MIGA2: variants seen among roughly 807,000 people sequenced by gnomAD.
MIGA2 encodes the protein mitoguardin 2.
Under a neutral mutation model 69.9 loss-of-function variants are expected in MIGA2, and 36 were observed. That is an observed-to-expected ratio of 0.52 (90% confidence interval 0.39 to 0.68). The LOEUF (loss-of-function observed/expected upper bound fraction) is 0.68. MIGA2 is among the 30% of genes least tolerant of loss of function. MIGA2 has a pLI of 0.00. For missense variants in MIGA2, 660 were observed against 787.7 expected, an observed-to-expected ratio of 0.84 and a Z score of 1.94; for synonymous variants, 333 against 349.2, an observed-to-expected ratio of 0.95 and a Z score of 0.52.
At chr9:129,042,607 C>A in intron 3 of MIGA2, 93 bp downstream of exon 3, 1 of 1,298,174 alleles carries the variant, frequency 7.7e-7, no homozygotes, top group Non-Finnish European at 1.1e-6. Context: ...GATATTGGGC[C>A]AGTGTCTTCC....
At chr9:129,066,043 C>T (rs1472018008) in intron 11 of MIGA2, among the ~76,000 whole-genome samples, 1 of 152,246 alleles carries the variant, frequency 6.6e-6, no homozygotes, top group Non-Finnish European at 1.5e-5. Flanking sequence ...GGATATTCTC[C>T]TGGCAGTGGC....
At chr9:129,054,589 C>T (rs1276191875) in intron 6 of MIGA2, among the ~76,000 whole-genome samples, 5 of 152,224 alleles carry the variant, frequency 3.3e-5, no homozygotes, top group Non-Finnish European at 5.9e-5. Context: ...CTATCACGGA[C>T]GTTTCTAGAA....
intron 6 of MIGA2, among the ~76,000 whole-genome samples, chr9:129,053,610 G>T (rs1056258243): frequency 6.6e-6 from 1 of 152,022 alleles, no homozygotes; most frequent in Non-Finnish European, 1.5e-5. Context: ...CAGGTGATCC[G>T]CCCGCCTCGG....
chr9:129,059,575 C>G lies in MIGA2; in HGVS notation c.793+304C>G, dbSNP rs754857643. On this transcript the variant is annotated intron_variant, in intron 7 of 15. Transcript: ENST00000684074. The surrounding 1 kb of genome is among the most constrained non-coding windows in gnomAD (Gnocchi z 5.6). Reference sequence around the variant, plus strand: ...TGGCAGCATCTCCCTGATGGCTCTCCCAGGCCTTCGCTTCGAGTCCTTTCC... The same window carrying G: ...TGGCAGCATCTCCCTGATGGCTCTCGCAGGCCTTCGCTTCGAGTCCTTTCC... Among the ~76,000 whole-genome samples, 6 of 152,184 alleles carry G rather than the reference C, an allele frequency of 3.9e-5. No homozygotes were observed. Among genetic ancestry groups the G allele is most frequent in the Non-Finnish European group, 7.3e-5 (5 of 68,032 alleles).
At chr9:129,057,467 G>A (rs1845856286) in intron 6 of MIGA2, among the ~76,000 whole-genome samples, 2 of 149,854 alleles carry the variant, frequency 1.3e-5, no homozygotes, top group African/African-American at 2.5e-5. Flanking sequence ...CTGATTTTTT[G>A]TATTTTTAGT....
At chr9:129,062,563 G>C (rs1004067227) in intron 9 of MIGA2, among the ~76,000 whole-genome samples, 3 of 150,090 alleles carry the variant, frequency 2.0e-5, no homozygotes, top group Non-Finnish European at 3.0e-5. Flanking sequence ...AAAAAACTGG[G>C]CCAGGCGCCA....
At chr9:129,062,699 C>T (rs1271801787) in intron 9 of MIGA2, among the ~76,000 whole-genome samples, 1 of 151,812 alleles carries the variant, frequency 6.6e-6, no homozygotes, top group Non-Finnish European at 1.5e-5. Flanking sequence ...CAAAAATTAG[C>T]CGGGCGTGGT....
intron 3 of MIGA2, chr9:129,047,230 A>T (rs1016198106): frequency 6.6e-6 from 1 of 151,456 alleles, no homozygotes; most frequent in African/African-American, 2.4e-5. Context: ...AACAGGTGCC[A>T]CCATACCTGG....
intron 6 of MIGA2, among the ~76,000 whole-genome samples, chr9:129,058,496 CTTTT>C (rs892590575): frequency 8.5e-6 from 1 of 117,510 alleles, no homozygotes; most frequent in Non-Finnish European, 1.8e-5. Context: ...TTCTTTCTTT[CTTTT>C]TTTTTTTTTT....
chr9:129,069,757 C>A lies in MIGA2; in HGVS notation c.1459-92C>A. The A allele has an allele frequency of 1.1e-6, 1 of 878,270 alleles. No individual in the cohort carries two copies. The highest frequency in any genetic ancestry group is 1.9e-6 in the Non-Finnish European group (1 of 516,012). The allele number at this position is 878,270 out of a possible 1,614,324, so 54.4% of individuals were successfully genotyped here. ...AGGAAAGTACATGAGCTGGGGCGAC[C>A]TCTAAAGCCCAGCCCTTTATGCGAC... On this transcript the variant is annotated intron_variant, in intron 14 of 15. Transcript: ENST00000684074. The surrounding 1 kb of genome is among the most constrained non-coding windows in gnomAD (Gnocchi z 4.9).
intron 15 of MIGA2, 132 bp downstream of exon 15, chr9:129,070,097 G>C (rs1259078468): frequency 8.2e-6 from 10 of 1,216,414 alleles, no homozygotes; most frequent in Non-Finnish European, 1.1e-5. Context: ...AGACCCACAT[G>C]GGTCCAGAGG....
At chr9:129,039,233 TA>T (rs1844769048) in intron 1 of MIGA2, among the ~76,000 whole-genome samples, 2 of 151,434 alleles carry the variant, frequency 1.3e-5, no homozygotes, top group African/African-American at 4.9e-5. Context: ...TATTTTATTT[TA>T]TTTTTTTGTT....
intron 6 of MIGA2, among the ~76,000 whole-genome samples, chr9:129,050,242 AG>A (rs1845450286): frequency 6.6e-6 from 1 of 152,068 alleles, no homozygotes; most frequent in Admixed American, 6.6e-5. Flanking sequence ...GCCTCTGTTG[AG>A]GGTTGGCTGC....
At chr9:129,070,124 G>A (rs920760571) in intron 15 of MIGA2, 123 bp from the exon 16 acceptor site, 105 of 1,290,328 alleles carry the variant, frequency 8.1e-5, no homozygotes, top group Non-Finnish European at 1.1e-4. Context: ...TGGGAGGGAG[G>A]AGCCTGGGGA....
chr9:129,037,129 G>A, intron 1 of MIGA2: 1 of 876,868 alleles, frequency 1.1e-6, no homozygotes, highest in Non-Finnish European at 1.4e-6. Flanking sequence ...GTCCAACGCG[G>A]GGATGCCCGG....
rs763911329 is a variant in MIGA2, at chr9:129,069,756, C to T, written c.1459-93C>T. The T allele has an allele frequency of 2.2e-5, 19 of 860,476 alleles. No individual in the cohort carries two copies. The South Asian group carries it at 2.2e-4, about 10-fold the overall frequency. The allele number at this position is 860,476 out of a possible 1,614,324, so 53.3% of individuals were successfully genotyped here. A position where few individuals can be genotyped will look rare whatever the true frequency, so the allele number is the denominator to read the frequency against. ...CAGGAAAGTACATGAGCTGGGGCGA[C>T]CTCTAAAGCCCAGCCCTTTATGCGA... On this transcript the variant is annotated intron_variant, in intron 14 of 15. Transcript: ENST00000684074. The surrounding 1 kb of genome is among the most constrained non-coding windows in gnomAD (Gnocchi z 4.9).
chr9:129,049,647 G>T, intron 5 of MIGA2, 149 bp downstream of exon 5: 1 of 1,256,192 alleles, frequency 8.0e-7, no homozygotes, highest in Non-Finnish European at 1.1e-6. Flanking sequence ...TCTGAACAAG[G>T]GACAGTGTCT....
At chr9:129,064,495 C>T (rs1168532977) in intron 11 of MIGA2, among the ~76,000 whole-genome samples, 1 of 151,584 alleles carries the variant, frequency 6.6e-6, no homozygotes, top group Non-Finnish European at 1.5e-5. Context: ...GCATGAGCCA[C>T]CGTGCCTGGC....
intron 15 of MIGA2, 119 bp downstream of exon 15, chr9:129,070,084 G>T: frequency 8.1e-7 from 1 of 1,233,884 alleles, no homozygotes. Flanking sequence ...AGAGGGCAGA[G>T]CCAGACCCAC....
Sources: gnomAD v4.1 joint callset for allele counts (sites outside exome capture counted in the v4.1 genomes callset) on GRCh38, gnomAD v4.1.1 for gene constraint, Gnocchi (gnomAD v3.1) non-coding constraint, MANE v1.5 for transcripts, NCBI Gene and HGNC (gene_info 2026-07-23, HGNC 2026-07-21) for gene names.